Variants in RAB11FIP3 observed in about 807,000 individuals in gnomAD.
RAB11FIP3 encodes the protein rab11 family-interacting protein 3.
A neutral mutation model predicts 77.8 loss-of-function variants in RAB11FIP3; 17 were observed. That is an observed-to-expected ratio of 0.22 (90% CI 0.15 to 0.33). The LOEUF (loss-of-function observed/expected upper bound fraction) is 0.33. RAB11FIP3 is among the 10% of genes least tolerant of loss of function. RAB11FIP3 has a pLI of 1.00. For synonymous variants in RAB11FIP3, 437 were observed against 448.2 expected (o/e 0.98, Z 0.31); for missense variants, 1,005 against 1,011.2 (o/e 0.99, Z 0.08).
chr16:450,830 T>A (rs1256480327), intron 1 of RAB11FIP3, among the ~76,000 whole-genome samples: 1 of 33,478 alleles, frequency 3.0e-5, no homozygotes, highest in East Asian at 1.5e-3. Flanking sequence ...TCCCGCTCCC[T>A]CCCTCCCCGC....
At chr16:520,400 G>A in intron 12 of RAB11FIP3, 59 bp from the exon 13 acceptor site, 2 of 1,604,166 alleles carry the variant, frequency 1.2e-6, no homozygotes. Context: ...GGCAGTCCTT[G>A]TCCCTGCTCA....
chr16:497,020 G>T, intron 6 of RAB11FIP3, 161 bp downstream of exon 6: 2 of 782,256 alleles, frequency 2.6e-6, no homozygotes, highest in Non-Finnish European at 3.8e-6. Context: ...AGGAGTGTTG[G>T]GAAAGGGGTT....
chr16:445,125 AAAAAAAG>A (rs2055291921), intron 1 of RAB11FIP3, among the ~76,000 whole-genome samples: 1 of 140,310 alleles, frequency 7.1e-6, no homozygotes, highest in Non-Finnish European at 1.6e-5. Context: ...AAAAAAAAAA[AAAAAAAG>A]AAAAAAAGAT....
intron 8 of RAB11FIP3, 101 bp from the exon 9 acceptor site, chr16:510,559 G>A (rs1457581939): frequency 1.5e-6 from 2 of 1,352,104 alleles, no homozygotes; most frequent in African/African-American, 1.5e-5. Context: ...CTCCCGAGTG[G>A]AGGCAGGTTC....
At position 471,155 on chromosome 16, in the gene RAB11FIP3, G is replaced by A; in HGVS notation, c.809-140G>A. 2 of 673,436 alleles carry A rather than the reference G, an allele frequency of 3.0e-6. No individual in the cohort carries two copies. The highest frequency in any genetic ancestry group is 3.4e-5 in the South Asian group (2 of 58,306). 41.7% of individuals were successfully genotyped at this position (673,436 alleles called of 1,614,324 possible). A position where few individuals can be genotyped will look rare whatever the true frequency, so the allele number is the denominator to read the frequency against. Reference sequence around the variant, plus strand: ...ATTTCTCATGCTCACTCCCTTGCTTGTCTTGACCCCCCCCAGGGCCCCCAA... The same window carrying A: ...ATTTCTCATGCTCACTCCCTTGCTTATCTTGACCCCCCCCAGGGCCCCCAA... On this transcript the variant is annotated intron_variant, in intron 2 of 13. Transcript: ENST00000262305. This position sits in a 1 kb window ranked among gnomAD's most constrained non-coding sequence, Gnocchi z 4.4.
At chr16:497,370 C>T (rs1307093671) in intron 6 of RAB11FIP3, 14 of 1,300,998 alleles carry the variant, frequency 1.1e-5, no homozygotes, top group Admixed American at 4.6e-5. Flanking sequence ...CAGTTCTTAC[C>T]GAAATAAACA....
At chr16:489,316 T>C (rs1328309522) in intron 5 of RAB11FIP3, among the ~76,000 whole-genome samples, 1 of 152,242 alleles carries the variant, frequency 6.6e-6, no homozygotes, top group Non-Finnish European at 1.5e-5. Flanking sequence ...TGGTGGTCTG[T>C]GCAGGCTTTT....
chr16:496,825 C>T lies in RAB11FIP3; in HGVS notation c.1267C>T (p.Pro423Ser), dbSNP rs267604564. 8 of 1,594,740 alleles carry T rather than the reference C, an allele frequency of 5.0e-6. No homozygotes were observed. The South Asian group carries it at 8.8e-5, about 18-fold the overall frequency. Residue 423 changes from proline to serine, a missense_variant and splice_region_variant, in exon 6 of 14, where the codon CCG (proline) becomes TCG (serine). Coordinates refer to ENST00000262305, the MANE Select transcript of RAB11FIP3 (RefSeq NM_014700.4). ...CTGTTTATTTTGTTTTCTGCACAGTCCGACAAAGCGGCTCTCCAGCAAGAA... is the reference window on the plus strand; with the variant it reads ...CTGTTTATTTTGTTTTCTGCACAGTTCGACAAAGCGGCTCTCCAGCAAGAA... ...CSDPAFLTPS[P>S]TKRLSSKKVA...
chr16:426,474 C>T lies in RAB11FIP3; in HGVS notation c.468C>T (p.Gly156=). ...CCAGCAGCAGCCACCGAGCGCGGGG[C>T]GAGGTCGACGTCTTCTCTCCCTTCC... ...QGSSSSHRAR[G]EVDVFSPFPA... Residue 156 remains glycine (G), a synonymous_variant, in exon 1 of 14, where the codon GGC becomes GGT. Transcript: ENST00000262305. This position sits in a 1 kb window ranked among gnomAD's most constrained non-coding sequence, Gnocchi z 5.0. The T allele has an allele frequency of 5.7e-6, 9 of 1,580,150 alleles. No homozygotes were observed. The highest frequency in any genetic ancestry group is 7.7e-6 in the Non-Finnish European group (9 of 1,164,118).
chr16:501,099 C>G (rs890068279), intron 6 of RAB11FIP3, among the ~76,000 whole-genome samples: 1 of 152,134 alleles, frequency 6.6e-6, no homozygotes, highest in Non-Finnish European at 1.5e-5. Context: ...CTCCTCAGAG[C>G]GTTTATGGGG....
chr16:519,648 C>T (rs558858899), intron 10 of RAB11FIP3, 106 bp from the exon 11 acceptor site: 5 of 1,458,302 alleles, frequency 3.4e-6, no homozygotes, highest in Middle Eastern at 2.4e-4. Flanking sequence ...GGCGCCACCG[C>T]GTTGCTGTTG....
intron 9 of RAB11FIP3, among the ~76,000 whole-genome samples, chr16:513,884 C>T (rs113055299): frequency 2.6e-5 from 4 of 152,324 alleles, no homozygotes; most frequent in African/African-American, 4.8e-5. Flanking sequence ...GTGTTTTCCC[C>T]GGGCCTTGGC....
chr16:489,167 A>G (rs1479224547), intron 5 of RAB11FIP3, 167 bp downstream of exon 5: 14 of 860,578 alleles, frequency 1.6e-5, no homozygotes, highest in Non-Finnish European at 2.4e-5. Flanking sequence ...TGGATTTATG[A>G]AAGTTGGGAG....
intron 1 of RAB11FIP3, among the ~76,000 whole-genome samples, chr16:454,875 C>T (rs900008542): frequency 3.9e-5 from 6 of 151,916 alleles, no homozygotes; most frequent in South Asian, 2.1e-4. Flanking sequence ...CATGGCAAAA[C>T]GACGTCTCTA....
rs574450172 is a variant in RAB11FIP3, at chr16:472,107, T to C, written c.903+718T>C. ...AGCTGCTGGCCGGTAGGGCCTGGGC[T>C]TCTCATGTCAGTCCTCTGAGCCCTG... is the stretch of plus-strand genomic sequence containing the variant. On this transcript the variant is annotated intron_variant, in intron 3 of 13. Coordinates refer to ENST00000262305, the MANE Select transcript of RAB11FIP3 (RefSeq NM_014700.4). This position sits in a 1 kb window ranked among gnomAD's most constrained non-coding sequence, Gnocchi z 4.1. Among the ~76,000 whole-genome samples, 2 of 152,330 alleles carry C rather than the reference T, an allele frequency of 1.3e-5. No individual in the cohort carries two copies. The highest frequency in any genetic ancestry group is 2.1e-4 in the South Asian group (1 of 4,826).
chr16:465,254 A>C (rs2141662825), intron 2 of RAB11FIP3, among the ~76,000 whole-genome samples: 1 of 152,220 alleles, frequency 6.6e-6, no homozygotes, highest in Middle Eastern at 3.4e-3. Context: ...GGACCCCCAG[A>C]ACTGGTTGTC....
intron 1 of RAB11FIP3, among the ~76,000 whole-genome samples, chr16:428,173 TAAG>T (rs1202214784): frequency 1.3e-5 from 2 of 151,950 alleles, no homozygotes; most frequent in Admixed American, 6.5e-5. Flanking sequence ...GAGTTCACAT[TAAG>T]AAGATGTGCA....
chr16:473,250 A>G (rs2055840535), intron 3 of RAB11FIP3, among the ~76,000 whole-genome samples: 1 of 152,186 alleles, frequency 6.6e-6, no homozygotes, highest in African/African-American at 2.4e-5. Flanking sequence ...GTCACTTCAG[A>G]AGGGTGGGAA....
chr16:457,795 G>A (rs188471361), intron 1 of RAB11FIP3, among the ~76,000 whole-genome samples: 22 of 152,328 alleles, frequency 1.4e-4, no homozygotes, highest in Admixed American at 8.5e-4. Context: ...TAGCTTCAGT[G>A]TGGAAATTCT....
Sources: gnomAD v4.1 joint callset for allele counts (sites outside exome capture counted in the v4.1 genomes callset) on GRCh38, gnomAD v4.1.1 for gene constraint, Gnocchi (gnomAD v3.1) non-coding constraint, MANE v1.5 for transcripts, NCBI Gene and HGNC (gene_info 2026-07-23, HGNC 2026-07-21) for gene names.